Variants in EYS observed in about 807,000 individuals in gnomAD.
EYS encodes protein eyes shut homolog.
Under a neutral mutation model 282.1 loss-of-function variants are expected in EYS, and 250 were observed. That is an observed-to-expected ratio of 0.89 (90% CI 0.80 to 0.98). The LOEUF (loss-of-function observed/expected upper bound fraction) is 0.98, where lower values mean the gene tolerates loss of function less well. Ranked by LOEUF, EYS falls within the 50% of genes least tolerant of loss-of-function variation. The pLI is 0.00. For missense variants in EYS, 4,016 were observed against 3,709.0 expected, an observed-to-expected ratio of 1.08 and a Z score of -2.15; for synonymous variants, 1,355 against 1,282.9, an observed-to-expected ratio of 1.06 and a Z score of -1.20.
intron 22 of EYS, among the ~76,000 whole-genome samples, chr6:64,688,941 A>T (rs898335198): frequency 2.0e-5 from 3 of 151,810 alleles, no homozygotes; most frequent in Non-Finnish European, 4.4e-5. Context: ...CACCACTCCT[A>T]TTCAACATAG....
At chr6:65,659,169 G>C (rs924611470) in intron 1 of EYS, among the ~76,000 whole-genome samples, 5 of 151,620 alleles carry the variant, frequency 3.3e-5, no homozygotes, top group African/African-American at 1.2e-4. Flanking sequence ...AAGAAGGAAA[G>C]ATAAAAGTAT....
intron 22 of EYS, among the ~76,000 whole-genome samples, chr6:64,791,245 GA>G (rs1774182180): frequency 6.6e-6 from 1 of 151,622 alleles, no homozygotes; most frequent in Admixed American, 6.6e-5. Flanking sequence ...TCAGCAAGAC[GA>G]AAAAATACAT....
At chr6:64,402,660 T>C (rs1388633913) in intron 28 of EYS, among the ~76,000 whole-genome samples, 1 of 152,234 alleles carries the variant, frequency 6.6e-6, no homozygotes, top group Non-Finnish European at 1.5e-5. Context: ...TTTCCTAACA[T>C]TGACAGGCAA....
At chr6:64,050,421 C>T (rs1270054302) in intron 33 of EYS, among the ~76,000 whole-genome samples, 2 of 152,202 alleles carry the variant, frequency 1.3e-5, no homozygotes, top group Non-Finnish European at 2.9e-5. Flanking sequence ...CCCTTCTCCT[C>T]TTAACTAGAG....
At chr6:64,722,269 A>G (rs541580596) in intron 22 of EYS, among the ~76,000 whole-genome samples, 17 of 152,272 alleles carry the variant, frequency 1.1e-4, no homozygotes, top group Admixed American at 6.5e-4. Flanking sequence ...TTTGACAAGA[A>G]AGAAGATGGA....
chr6:63,935,274 T>C (rs1319425748), intron 35 of EYS, among the ~76,000 whole-genome samples: 1 of 152,248 alleles, frequency 6.6e-6, no homozygotes, highest in Non-Finnish European at 1.5e-5. Flanking sequence ...GCTCTCAGGA[T>C]TCATTAGACG....
chr6:64,804,240 T>C (rs1054179787), intron 22 of EYS, among the ~76,000 whole-genome samples: 5 of 152,238 alleles, frequency 3.3e-5, no homozygotes. Flanking sequence ...CTCTAGAAAA[T>C]TCAGTATACT....
At chr6:63,804,335 G>A (rs1217284111) in intron 37 of EYS, among the ~76,000 whole-genome samples, 1 of 152,172 alleles carries the variant, frequency 6.6e-6, no homozygotes, top group East Asian at 1.9e-4. Flanking sequence ...AATATTTTAA[G>A]AGCTTCCCAT....
At chr6:63,956,923 T>C (rs1300264169) in intron 35 of EYS, among the ~76,000 whole-genome samples, 3 of 152,182 alleles carry the variant, frequency 2.0e-5, no homozygotes, top group African/African-American at 4.8e-5. Flanking sequence ...TATCATCTCA[T>C]GAAACTACAA....
At chr6:64,341,798 T>A (rs1306149222) in intron 29 of EYS, among the ~76,000 whole-genome samples, 4 of 151,670 alleles carry the variant, frequency 2.6e-5, no homozygotes, top group Non-Finnish European at 5.9e-5. Context: ...ACTTGCCCAT[T>A]AATCTCTATG....
chr6:64,417,834 C>A (rs72889624), intron 28 of EYS, among the ~76,000 whole-genome samples: 2,293 of 151,998 alleles, frequency 0.015, 25 homozygotes, highest in Middle Eastern at 0.027. Context: ...CCAAGCCTGG[C>A]TAATTGTTTT....
chr6:64,971,404 C>G (rs1770289009), intron 14 of EYS, among the ~76,000 whole-genome samples: 2 of 151,978 alleles, frequency 1.3e-5, no homozygotes, highest in Admixed American at 6.6e-5. Flanking sequence ...TACAAACACA[C>G]TTGGGTTTAT....
chr6:65,098,496 C>A (rs1774802203), intron 12 of EYS, among the ~76,000 whole-genome samples: 1 of 150,654 alleles, frequency 6.6e-6, no homozygotes, highest in Non-Finnish European at 1.5e-5. Context: ...GCTCTTAGTG[C>A]CAGAATGTTT....
chr6:65,463,475 A>T (rs1207710221), intron 5 of EYS, among the ~76,000 whole-genome samples: 1 of 152,156 alleles, frequency 6.6e-6, no homozygotes, highest in Admixed American at 6.6e-5. Flanking sequence ...TTAACCTATC[A>T]TATATTAACA....
rs1582929196 is a variant in EYS at position 64,590,959 on chromosome 6, T to A, written c.4908A>T (p.Ala1636=). Residue 1636 remains alanine, a synonymous_variant, in exon 26 of 43, where the codon GCA becomes GCT. Transcript: ENST00000503581. ...VPSLFPSKKS[A]KRTILSSSLE... is the part of the protein sequence containing the mutation. ...AGGATGAGGATAAAATTGTTCTTTT[T>A]GCACTCTTTTTAGAAGGAAATAAAG... The A allele has an allele frequency of 7.7e-6, 12 of 1,551,200 alleles. No individual in the cohort carries two copies. The Middle Eastern group carries it at 6.7e-4, about 86-fold the overall frequency.
intron 26 of EYS, among the ~76,000 whole-genome samples, chr6:64,547,934 CT>C (rs1283231939): frequency 2.0e-5 from 3 of 152,222 alleles, no homozygotes; most frequent in Admixed American, 2.0e-4. Context: ...TGCTAAGCCC[CT>C]CACTGCCCAG....
rs1315217502 is a variant in EYS at position 64,676,346 on chromosome 6, A to ATC, written c.3444-50102_3444-50101insGA. Among the ~76,000 whole-genome samples, 124 of 146,350 alleles carry ATC rather than the reference A, an allele frequency of 8.5e-4. No individual in the cohort carries two copies. The East Asian group carries it at 9.8e-3, about 12-fold the overall frequency. ...TATATATATCTATATATCTATATAT[A>ATC]TATATAGAGAGAGAGAGGGAGAGAA... On this transcript the variant is annotated intron_variant, in intron 22 of 42. Coordinates refer to ENST00000503581, the MANE Select transcript of EYS (RefSeq NM_001142800.2).
At position 65,631,736 on chromosome 6, in the gene EYS, C is replaced by A. The variant is rs370407924; in HGVS notation, c.-333+8042G>T. Among the ~76,000 whole-genome samples the A allele has an allele frequency of 3.9e-5, 6 of 152,234 alleles. No individual in the cohort carries two copies. In the South Asian group the frequency reaches 1.2e-3, roughly 32 times the overall value. On this transcript the variant is annotated intron_variant, in intron 2 of 42. Transcript: ENST00000503581. ...TGCAAATAAGATTGTGTCAGCAGTTCTAATGTGCCTATGGATAATTCGAGT... is the reference window on the plus strand; with the variant it reads ...TGCAAATAAGATTGTGTCAGCAGTTATAATGTGCCTATGGATAATTCGAGT...
intron 2 of EYS, among the ~76,000 whole-genome samples, chr6:65,627,975 G>A (rs946564440): frequency 1.3e-5 from 2 of 152,232 alleles, no homozygotes; most frequent in African/African-American, 2.4e-5. Context: ...GCCCCGGTGC[G>A]GGATCCACTA....
Sources: gnomAD v4.1 joint callset for allele counts (sites outside exome capture counted in the v4.1 genomes callset) on GRCh38, gnomAD v4.1.1 for gene constraint, MANE v1.5 for transcripts, NCBI Gene and HGNC (gene_info 2026-07-23, HGNC 2026-07-21) for gene names.